The following UTF1 variants were observed in gnomAD, a reference collection of about 807,000 sequenced individuals.
UTF1 encodes undifferentiated embryonic cell transcription factor 1.
Under a neutral mutation model 11.8 loss-of-function variants are expected in UTF1, and 8 were observed. The observed-to-expected ratio is 0.68, with a 90% confidence interval of 0.40 to 1.23. The LOEUF (loss-of-function observed/expected upper bound fraction) is 1.23. UTF1 is among the 50% of genes most tolerant of loss of function. UTF1 has a pLI of 0.01. For synonymous variants in UTF1, 344 were observed against 271.7 expected (o/e 1.27, Z -2.62); for missense variants, 545 against 542.1 (o/e 1.01, Z -0.05).
In UTF1 at chr10:133,231,182, G is replaced by T; in HGVS notation, c.766G>T (p.Asp256Tyr). The T allele has an allele frequency of 1.5e-6, 2 of 1,357,774 alleles. No individual in the cohort carries two copies. The highest frequency in any genetic ancestry group is 1.9e-6 in the Non-Finnish European group (2 of 1,060,308). The allele number at this position is 1,357,774 out of a possible 1,614,324, so 84.1% of individuals were successfully genotyped here. Reference sequence around the variant, plus strand: ...GCCACCCCCGGCCCGCGAAGACCCCGACTCGCCGCCCGGCCGCCCCGAGGA... The same window carrying T: ...GCCACCCCCGGCCCGCGAAGACCCCTACTCGCCGCCCGGCCGCCCCGAGGA... ...PPPPPAREDP[D>Y]SPPGRPEDCA... The change falls in exon 2 of 2, where the codon GAC (aspartate) becomes TAC (tyrosine). Residue 256 changes from aspartate to tyrosine, a missense_variant. Asp to Tyr is a radical substitution (Grantham distance 160). Around this residue, in one of 3 missense-constraint regions of UTF1, gnomAD observed 394 missense variants for 341.5 expected, o/e 1.15. Coordinates refer to ENST00000304477, the MANE Select transcript of UTF1 (RefSeq NM_003577.3).
chr10:133,230,959 G>T lies in UTF1; in HGVS notation c.551-8G>T, dbSNP rs1845791642. On this transcript the variant is annotated splice_region_variant and splice_polypyrimidine_tract_variant and intron_variant, in intron 1 of 1. Coordinates refer to ENST00000304477, the MANE Select transcript of UTF1 (RefSeq NM_003577.3). ...AAATCCGCCCGACCGCCTGCTCCGCGTTCCCAGACGCCACCCCGCTGCCCA... is the reference window on the plus strand; with the variant it reads ...AAATCCGCCCGACCGCCTGCTCCGCTTTCCCAGACGCCACCCCGCTGCCCA... 1 of 1,304,634 alleles carries T rather than the reference G, an allele frequency of 7.7e-7. No individual in the cohort carries two copies. The highest frequency in any genetic ancestry group is 9.7e-7 in the Non-Finnish European group (1 of 1,031,164). The allele number at this position is 1,304,634 out of a possible 1,614,324, so 80.8% of individuals were successfully genotyped here.
In UTF1 at chr10:133,231,456, CCA is replaced by C; in HGVS notation, c.*15_*16del. On this transcript the variant is annotated 3_prime_UTR_variant, in exon 2 of 2. Transcript: ENST00000304477. The stretch of plus-strand genomic sequence containing the variant: ...CCGTGCCAGTGAGTCCCGGCTGCGG[CCA>C]GTCTCCCCTCTCCAGGCCGAGGCCC... 6.9e-7 allele frequency: 1 copy of C among 1,442,206 alleles called. No individual in the cohort carries two copies. The highest frequency in any genetic ancestry group is 9.1e-7 in the Non-Finnish European group (1 of 1,099,272). 89.3% of individuals were successfully genotyped at this position (1,442,206 alleles called of 1,614,324 possible).
rs555411574 is a variant in UTF1, at chr10:133,231,498, C to G, written c.*56C>G. ...GGCCGAGGCCCCTCCGCCCTGACCC[C>G]TCCTGCTGCCTTCCCACCCCCGTTC... On this transcript the variant is annotated 3_prime_UTR_variant, in exon 2 of 2. Transcript: ENST00000304477. 7.8e-6 allele frequency: 10 copies of G among 1,283,820 alleles called. No individual in the cohort carries two copies. In the South Asian group the frequency reaches 1.3e-4, roughly 17 times the overall value. The allele number at this position is 1,283,820 out of a possible 1,614,324, so 79.5% of individuals were successfully genotyped here.
At position 133,230,357 on chromosome 10, in the gene UTF1, C is replaced by T. The variant is rs1393233837; in HGVS notation, c.69C>T (p.Asp23=). The part of the protein sequence containing the change: ...PPAPPSPASP[D]PEPRTPGDAP... ...CGCCGCCCTCGCCCGCCAGCCCCGA[C>T]CCCGAGCCGCGGACACCCGGAGACG... is the stretch of plus-strand genomic sequence containing the variant. Residue 23 remains aspartate (D), a synonymous_variant, in exon 1 of 2, where the codon GAC becomes GAT. Transcript: ENST00000304477. 11 of 1,194,770 alleles carry T rather than the reference C, an allele frequency of 9.2e-6. 1 individual carries two copies. Among genetic ancestry groups the T allele is most frequent in the Middle Eastern group, 3.4e-4 (1 of 2,918 alleles). The allele number at this position is 1,194,770 out of a possible 1,614,324, so 74.0% of individuals were successfully genotyped here. A position where few individuals can be genotyped will look rare whatever the true frequency, so the allele number is the denominator to read the frequency against.
Position 133,231,156 on chromosome 10 carries a change from C to T in UTF1, c.740C>T (p.Pro247Leu), listed in dbSNP as rs555668572. 2.7e-4 allele frequency: 331 copies of T among 1,245,754 alleles called. 1 individual carries two copies. The African/African-American group carries it at 4.0e-3, about 15-fold the overall frequency. The allele number at this position is 1,245,754 out of a possible 1,614,324, so 77.2% of individuals were successfully genotyped here. The change falls in exon 2 of 2, where the codon CCG becomes CTG. Residue 247 changes from proline to leucine, a missense_variant. This residue lies in a region of UTF1 where 394 missense variants were observed against 341.5 expected (regional missense o/e 1.15). Coordinates refer to ENST00000304477, the MANE Select transcript of UTF1 (RefSeq NM_003577.3). ...RAPVRGPGSP[P>L]PPPAREDPDS... ...CCCGTCCGCGGCCCCGGGTCCCCGC[C>T]GCCACCCCCGGCCCGCGAAGACCCC...
At position 133,230,274 on chromosome 10, in the gene UTF1, C is replaced by CGCCCCA. The variant is rs1340141662; in HGVS notation, c.-9_-4dup. On this transcript the variant is annotated 5_prime_UTR_variant, in exon 1 of 2. Coordinates refer to ENST00000304477, the MANE Select transcript of UTF1 (RefSeq NM_003577.3). ...GCCCTCTCCCCATCCTCGCGCGCCG[C>CGCCCCA]GCCCCAGCCCCGGGATGCTGCTCCG... The CGCCCCA allele has an allele frequency of 5.7e-6, 6 of 1,048,300 alleles. No homozygotes were observed. Among genetic ancestry groups the CGCCCCA allele is most frequent in the Non-Finnish European group, 6.9e-6 (6 of 872,610 alleles). The allele number at this position is 1,048,300 out of a possible 1,614,324, so 64.9% of individuals were successfully genotyped here.
rs1564907093 is a variant in UTF1, at chr10:133,230,546, G to A, written c.258G>A (p.Leu86=). 32 of 1,435,656 alleles carry A rather than the reference G, an allele frequency of 2.2e-5. No homozygotes were observed. In the East Asian group the frequency reaches 2.8e-4, roughly 13 times the overall value. 88.9% of individuals were successfully genotyped at this position (1,435,656 alleles called of 1,614,324 possible). The change falls in exon 1 of 2, where the codon CTG becomes CTA. Residue 86 remains leucine, a synonymous_variant. Transcript: ENST00000304477. ...LQPAVWRALL[L]DRRQALPTYR... ...CGGCCGTGTGGCGCGCGCTGCTCCT[G>A]GACCGCCGCCAGGCCCTGCCCACCT...
chr10:133,231,396 G>C lies in UTF1; in HGVS notation c.980G>C (p.Gly327Ala). 6.4e-7 allele frequency: 1 copy of C among 1,568,266 alleles called. No homozygotes were observed. Among genetic ancestry groups the C allele is most frequent in the Non-Finnish European group, 8.6e-7 (1 of 1,161,020 alleles). Reference sequence around the variant, plus strand: ...TCCCTGGCCGTGGGCTTCATTCTGGGCAGCGCGGCCGCCGAGCGAGGGGTC... The same window carrying C: ...TCCCTGGCCGTGGGCTTCATTCTGGCCAGCGCGGCCGCCGAGCGAGGGGTC... ...TVSLAVGFIL[G>A]SAAAERGVLR... is the part of the protein sequence containing the mutation. Residue 327 changes from glycine (G) to alanine (A), a missense_variant, in exon 2 of 2, where the codon GGC (glycine) becomes GCC (alanine). This residue lies in a region of UTF1 where 394 missense variants were observed against 341.5 expected (regional missense o/e 1.15). Coordinates refer to ENST00000304477, the MANE Select transcript of UTF1 (RefSeq NM_003577.3).
rs1359908114 is a variant in UTF1, at chr10:133,230,424, C to T, written c.136C>T (p.Leu46=). The change falls in exon 1 of 2, where the codon CTG becomes TTG. Residue 46 remains leucine (L), a synonymous_variant. Transcript: ENST00000304477. The part of the protein sequence containing the change: ...PPRRPASPSA[L]GELGLPVSPG... ...CCGGAGGCCCGCCTCGCCCAGCGCG[C>T]TGGGGGAACTCGGGTTGCCGGTGTC... The T allele has an allele frequency of 1.5e-6, 2 of 1,375,086 alleles. No individual in the cohort carries two copies. Among genetic ancestry groups the T allele is most frequent in the African/African-American group, 1.5e-5 (1 of 65,542 alleles). 85.2% of individuals were successfully genotyped at this position (1,375,086 alleles called of 1,614,324 possible). A position where few individuals can be genotyped will look rare whatever the true frequency, so the allele number is the denominator to read the frequency against.
chr10:133,231,387 T>C lies in UTF1; in HGVS notation c.971T>C (p.Phe324Ser), dbSNP rs1230231048. Residue 324 changes from phenylalanine (F) to serine (S), a missense_variant, in exon 2 of 2, where the codon TTC (phenylalanine) becomes TCC (serine). Physicochemically the swap from Phe to Ser is radical, Grantham distance 155. Coordinates refer to ENST00000304477, the MANE Select transcript of UTF1 (RefSeq NM_003577.3). ...FDQTVSLAVG[F>S]ILGSAAAERG... is the part of the protein sequence containing the mutation. ...CAGACAGTGTCCCTGGCCGTGGGCT[T>C]CATTCTGGGCAGCGCGGCCGCCGAG... is the stretch of plus-strand genomic sequence containing the variant. 1.3e-6 allele frequency: 2 copies of C among 1,586,972 alleles called. No individual in the cohort carries two copies. Among genetic ancestry groups the C allele is most frequent in the Admixed American group, 3.4e-5 (2 of 58,552 alleles).
rs904147946 is a variant in UTF1 at position 133,231,545 on chromosome 10, A to G, written c.*103A>G. The G allele has an allele frequency of 4.9e-6, 5 of 1,026,880 alleles. No individual in the cohort carries two copies. In the African/African-American group the frequency reaches 8.4e-5, roughly 17 times the overall value. The allele number at this position is 1,026,880 out of a possible 1,614,324, so 63.6% of individuals were successfully genotyped here. ...GTTCTTGGGTATGTTCAATAAAAGG[A>G]TTGTTTTCCTAGAGTCCGGGCTGTG... On this transcript the variant is annotated 3_prime_UTR_variant, in exon 2 of 2. Transcript: ENST00000304477.
chr10:133,230,890 G>T, intron 1 of UTF1, 52 bp downstream of exon 1: 1 of 1,281,724 alleles, frequency 7.8e-7, no homozygotes. Flanking sequence ...GGAGGAACCG[G>T]GGGCTGCCGA....
chr10:133,231,105 C>T lies in UTF1; in HGVS notation c.689C>T (p.Ala230Val). 1 of 1,281,818 alleles carries T rather than the reference C, an allele frequency of 7.8e-7. No individual in the cohort carries two copies. Among genetic ancestry groups the T allele is most frequent in the South Asian group, 2.4e-5 (1 of 41,240 alleles). The allele number at this position is 1,281,818 out of a possible 1,614,324, so 79.4% of individuals were successfully genotyped here. The change falls in exon 2 of 2, where the codon GCC becomes GTC. Residue 230 changes from alanine (A) to valine (V), a missense_variant. By Grantham distance (64) the Ala-to-Val change is moderately conservative. Around this residue, in one of 3 missense-constraint regions of UTF1, gnomAD observed 394 missense variants for 341.5 expected, o/e 1.15. Coordinates refer to ENST00000304477, the MANE Select transcript of UTF1 (RefSeq NM_003577.3). ...SPPAPAPTALATCIPEDRAPV... is the reference protein window; with the variant it reads ...SPPAPAPTALVTCIPEDRAPV... Reference sequence around the variant, plus strand: ...CCAGCTCCCGCCCCGACCGCCCTCGCCACCTGCATCCCCGAGGACCGCGCG... The same window carrying T: ...CCAGCTCCCGCCCCGACCGCCCTCGTCACCTGCATCCCCGAGGACCGCGCG...
Position 133,231,025 on chromosome 10 carries a change from C to T in UTF1, c.609C>T (p.Arg203=). 7.5e-7 allele frequency: 1 copy of T among 1,328,992 alleles called. No homozygotes were observed. The highest frequency in any genetic ancestry group is 2.0e-5 in the South Asian group (1 of 51,148). 82.3% of individuals were successfully genotyped at this position (1,328,992 alleles called of 1,614,324 possible). A position where few individuals can be genotyped will look rare whatever the true frequency, so the allele number is the denominator to read the frequency against. Residue 203 remains arginine, a synonymous_variant, in exon 2 of 2, where the codon CGC becomes CGT. Transcript: ENST00000304477. The part of the protein sequence containing the change: ...DRDADPTWTL[R]FSPSPPKSAD... ...ACGCGGACCCCACCTGGACGCTCCGCTTCAGCCCGTCCCCACCGAAGTCTG... is the reference window on the plus strand; with the variant it reads ...ACGCGGACCCCACCTGGACGCTCCGTTTCAGCCCGTCCCCACCGAAGTCTG...
At position 133,231,022 on chromosome 10, in the gene UTF1, C is replaced by T; in HGVS notation, c.606C>T (p.Leu202=). ...RDRDADPTWT[L]RFSPSPPKSA... is the part of the protein sequence containing the mutation. ...GCGACGCGGACCCCACCTGGACGCTCCGCTTCAGCCCGTCCCCACCGAAGT... is the reference window on the plus strand; with the variant it reads ...GCGACGCGGACCCCACCTGGACGCTTCGCTTCAGCCCGTCCCCACCGAAGT... The change falls in exon 2 of 2, where the codon CTC becomes CTT. Residue 202 remains leucine (L), a synonymous_variant. Coordinates refer to ENST00000304477, the MANE Select transcript of UTF1 (RefSeq NM_003577.3). 7.6e-7 allele frequency: 1 copy of T among 1,324,410 alleles called. No individual in the cohort carries two copies. The highest frequency in any genetic ancestry group is 9.6e-7 in the Non-Finnish European group (1 of 1,041,040). The allele number at this position is 1,324,410 out of a possible 1,614,324, so 82.0% of individuals were successfully genotyped here. A position where few individuals can be genotyped will look rare whatever the true frequency, so the allele number is the denominator to read the frequency against.
At position 133,230,328 on chromosome 10, in the gene UTF1, C is replaced by A. The variant is rs1845779503; in HGVS notation, c.40C>A (p.Pro14Thr). The change falls in exon 1 of 2, where the codon CCC becomes ACC. Residue 14 changes from proline to threonine, a missense_variant. Around this residue, in one of 3 missense-constraint regions of UTF1, gnomAD observed 129 missense variants for 148.5 expected, o/e 0.87. Coordinates refer to ENST00000304477, the MANE Select transcript of UTF1 (RefSeq NM_003577.3). ...RPRRPPPLAP[P>T]APPSPASPDP... ...CCGCAGGCCGCCCCCGCTCGCGCCC[C>A]CCGCGCCGCCCTCGCCCGCCAGCCC... The A allele has an allele frequency of 1.3e-5, 14 of 1,115,682 alleles. No individual in the cohort carries two copies. The South Asian group carries it at 5.6e-4, about 44-fold the overall frequency. 69.1% of individuals were successfully genotyped at this position (1,115,682 alleles called of 1,614,324 possible).
At position 133,230,761 on chromosome 10, in the gene UTF1, G is replaced by T. The variant is rs1354602456; in HGVS notation, c.473G>T (p.Arg158Leu). Residue 158 changes from arginine to leucine, a missense_variant, in exon 1 of 2, where the codon CGC becomes CTC. Physicochemically the swap from Arg to Leu is moderately radical, Grantham distance 102. Transcript: ENST00000304477. ...GDNGRKRPRR[R>L]SPGSGRPQRA... Reference sequence around the variant, plus strand: ...AACGGGCGCAAACGGCCTCGCCGCCGCTCCCCGGGGTCCGGGCGCCCCCAG... The same window carrying T: ...AACGGGCGCAAACGGCCTCGCCGCCTCTCCCCGGGGTCCGGGCGCCCCCAG... The T allele has an allele frequency of 1.4e-6, 2 of 1,384,220 alleles. No individual in the cohort carries two copies. The highest frequency in any genetic ancestry group is 6.4e-5 in the Admixed American group (2 of 31,320). The allele number at this position is 1,384,220 out of a possible 1,614,324, so 85.7% of individuals were successfully genotyped here.
Position 133,230,607 on chromosome 10 carries a change from G to A in UTF1, c.319G>A (p.Val107Met). 1.4e-6 allele frequency: 2 copies of A among 1,417,440 alleles called. No homozygotes were observed. Among genetic ancestry groups the A allele is most frequent in the South Asian group, 1.4e-5 (1 of 69,226 alleles). 87.8% of individuals were successfully genotyped at this position (1,417,440 alleles called of 1,614,324 possible). Reference sequence around the variant, plus strand: ...GTCGGCCGCGCTGGCCCAGCAGCAGGTGCGCCGCACCCCCGCGCAGTGCCG... The same window carrying A: ...GTCGGCCGCGCTGGCCCAGCAGCAGATGCGCCGCACCCCCGCGCAGTGCCG... ...RVSAALAQQQVRRTPAQCRRR... is the reference protein window; with the variant it reads ...RVSAALAQQQMRRTPAQCRRR... The change falls in exon 1 of 2, where the codon GTG becomes ATG. Residue 107 changes from valine to methionine, a missense_variant. Physicochemically the swap from Val to Met is conservative, Grantham distance 21. Around this residue, in one of 3 missense-constraint regions of UTF1, gnomAD observed 22 missense variants for 52.1 expected, o/e 0.42. Transcript: ENST00000304477.
Position 133,230,481 on chromosome 10 carries a change from G to T in UTF1, c.193G>T (p.Ala65Ser), listed in dbSNP as rs765328950. The change falls in exon 1 of 2, where the codon GCC becomes TCC. Residue 65 changes from alanine to serine, a missense_variant. Ala to Ser is a moderately conservative substitution (Grantham distance 99, BLOSUM62 1). Coordinates refer to ENST00000304477, the MANE Select transcript of UTF1 (RefSeq NM_003577.3). Reference sequence around the variant, plus strand: ...CTCGGCGCAGCGCACGCCCTGGAGCGCCCGGGAGACGGAGCTGCTGCTGGG... The same window carrying T: ...CTCGGCGCAGCGCACGCCCTGGAGCTCCCGGGAGACGGAGCTGCTGCTGGG... ...PGSAQRTPWS[A>S]RETELLLGTL... The T allele has an allele frequency of 4.9e-6, 7 of 1,439,990 alleles. No individual in the cohort carries two copies. Among genetic ancestry groups the T allele is most frequent in the Middle Eastern group, 5.0e-4 (2 of 4,040 alleles). 89.2% of individuals were successfully genotyped at this position (1,439,990 alleles called of 1,614,324 possible). A position where few individuals can be genotyped will look rare whatever the true frequency, so the allele number is the denominator to read the frequency against.
Sources: allele counts gnomAD v4.1 joint callset, GRCh38; gene constraint gnomAD v4.1.1; regional missense constraint gnomAD v4.1.1; transcripts MANE v1.5; gene names NCBI Gene and HGNC (gene_info 2026-07-23, HGNC 2026-07-21).